The following VAV1 variants were observed in gnomAD, a reference collection of about 807,000 sequenced individuals.
The protein encoded by VAV1 is proto-oncogene vav.
Under a neutral mutation model 128.1 loss-of-function variants are expected in VAV1, and 33 were observed. That is an observed-to-expected ratio of 0.26 (90% CI 0.20 to 0.34). The LOEUF is 0.34. Ranked by LOEUF, VAV1 falls within the 10% of genes least tolerant of loss-of-function variation. The pLI is 1.00. For synonymous variants in VAV1, 394 were observed against 409.8 expected (o/e 0.96, Z 0.47); for missense variants, 715 against 1,093.7 (o/e 0.65, Z 4.88).
chr19:6,799,617 A>T (rs1401233076), intron 1 of VAV1, among the ~76,000 whole-genome samples: 1 of 152,022 alleles, frequency 6.6e-6, no homozygotes, highest in African/African-American at 2.4e-5. Context: ...CCAGCCCCCG[A>T]CAGGCCCCAG....
rs1277558907 is a variant in VAV1, at chr19:6,826,993, T to C, written c.927+282T>C. ...TCAACCCCAGCCCTGGGCTGAGCCCTAGCACTGATTGTACCCCAAGTCGGG... is the reference window on the plus strand; with the variant it reads ...TCAACCCCAGCCCTGGGCTGAGCCCCAGCACTGATTGTACCCCAAGTCGGG... On this transcript the variant is annotated intron_variant, in intron 9 of 26. Transcript: ENST00000602142. This position sits in a 1 kb window ranked among gnomAD's most constrained non-coding sequence, Gnocchi z 4.1. The C allele has an allele frequency of 2.3e-6, 1 of 426,206 alleles. No homozygotes were observed. The highest frequency in any genetic ancestry group is 2.0e-5 in the African/African-American group (1 of 50,680). 26.4% of individuals were successfully genotyped at this position (426,206 alleles called of 1,614,324 possible).
intron 1 of VAV1, among the ~76,000 whole-genome samples, chr19:6,783,923 T>C (rs914516768): frequency 1.3e-5 from 2 of 151,936 alleles, no homozygotes; most frequent in African/African-American, 4.8e-5. Flanking sequence ...AATGCCTCAC[T>C]GGCTCCAGAA....
rs546349041 is a variant in VAV1, at chr19:6,833,429, C to T, written c.1611-99C>T. The stretch of plus-strand genomic sequence containing the variant: ...TCTGCTTCTCCGTCACTCTCCTGAT[C>T]TAAAGAGAACCCAAGGGGTCCCTTT... On this transcript the variant is annotated intron_variant, in intron 16 of 26. Coordinates refer to ENST00000602142, the MANE Select transcript of VAV1 (RefSeq NM_005428.4). 8.1e-4 allele frequency: 1,129 copies of T among 1,400,238 alleles called. 7 individuals are homozygous for T. Among genetic ancestry groups the T allele is most frequent in the Non-Finnish European group, 3.9e-4 (401 of 1,025,376 alleles). 86.7% of individuals were successfully genotyped at this position (1,400,238 alleles called of 1,614,324 possible).
chr19:6,777,058 C>T lies in VAV1; in HGVS notation c.204+4047C>T, dbSNP rs1970657795. Among the ~76,000 whole-genome samples, 1 of 151,328 alleles carries T rather than the reference C, an allele frequency of 6.6e-6. No homozygotes were observed. Among genetic ancestry groups the T allele is most frequent in the South Asian group, 2.1e-4 (1 of 4,766 alleles). On this transcript the variant is annotated intron_variant, in intron 1 of 26. Transcript: ENST00000602142. The surrounding 1 kb of genome is among the most constrained non-coding windows in gnomAD (Gnocchi z 4.4). ...GTGTGAGCCATACGCCCGGCCCATC[C>T]ATTCATCTATCTATCATCCACCTGC... is the stretch of plus-strand genomic sequence containing the variant.
chr19:6,844,229 C>A (rs1431561766), intron 22 of VAV1, among the ~76,000 whole-genome samples: 1 of 151,768 alleles, frequency 6.6e-6, no homozygotes, highest in Non-Finnish European at 1.5e-5. Context: ...TAATAAAACA[C>A]AGCATGATGA....
intron 1 of VAV1, among the ~76,000 whole-genome samples, chr19:6,817,979 C>T (rs1971695624): frequency 6.6e-6 from 1 of 152,186 alleles, no homozygotes; most frequent in African/African-American, 2.4e-5. Flanking sequence ...AGCCACCACG[C>T]CCAGCCTTAA....
At chr19:6,832,606 T>TC (rs1568309686) in intron 15 of VAV1, among the ~76,000 whole-genome samples, 2 of 92,964 alleles carry the variant, frequency 2.2e-5, no homozygotes, top group East Asian at 7.2e-4. Flanking sequence ...CTCTTCCTCC[T>TC]ATTCCTCCTC....
At chr19:6,849,207 T>A (rs1360915174) in intron 23 of VAV1, among the ~76,000 whole-genome samples, 1 of 150,768 alleles carries the variant, frequency 6.6e-6, no homozygotes, top group Non-Finnish European at 1.5e-5. Flanking sequence ...CAGGGAGTGA[T>A]CATATACTCG....
intron 6 of VAV1, among the ~76,000 whole-genome samples, chr19:6,823,305 T>C (rs1223071964): frequency 6.6e-6 from 1 of 151,092 alleles, no homozygotes; most frequent in Non-Finnish European, 1.5e-5. Context: ...TTTGTATTTT[T>C]AGTAGAGACG....
chr19:6,819,710 T>C (rs987491284), intron 1 of VAV1, among the ~76,000 whole-genome samples: 1 of 152,028 alleles, frequency 6.6e-6, no homozygotes, highest in Non-Finnish European at 1.5e-5. Context: ...ATGGAGAGTG[T>C]TGGGGGTTGT....
chr19:6,806,586 C>T (rs890143039), intron 1 of VAV1, among the ~76,000 whole-genome samples: 3 of 152,162 alleles, frequency 2.0e-5, no homozygotes, highest in African/African-American at 7.2e-5. Context: ...GCAGTTGCTC[C>T]AGACCGCCTA....
At chr19:6,836,410 A>G (rs1455937228) in intron 19 of VAV1, 22 bp from the exon 20 acceptor site, 22 of 1,608,764 alleles carry the variant, frequency 1.4e-5, no homozygotes, top group Non-Finnish European at 1.7e-5. Flanking sequence ...ACCACCCTGT[A>G]CTCCTGTACC....
At chr19:6,792,259 G>A (rs1374765552) in intron 1 of VAV1, among the ~76,000 whole-genome samples, 1 of 152,032 alleles carries the variant, frequency 6.6e-6, no homozygotes, top group Non-Finnish European at 1.5e-5. Flanking sequence ...AAGTGATGGT[G>A]GCCTCGACTG....
chr19:6,821,194 G>A (rs1971773828), intron 2 of VAV1, among the ~76,000 whole-genome samples: 1 of 152,158 alleles, frequency 6.6e-6, no homozygotes, highest in Non-Finnish European at 1.5e-5. Context: ...GAGGTCAGGA[G>A]ATCGATTCCA....
rs1444209599 is a variant in VAV1, at chr19:6,852,970, G to A, written c.2223G>A (p.Leu741=). The change falls in exon 25 of 27, where the codon CTG becomes CTA. Residue 741 remains leucine (L), a synonymous_variant. Coordinates refer to ENST00000602142, the MANE Select transcript of VAV1 (RefSeq NM_005428.4). ...EKKAFRGLTE[L]VEFYQQNSLK... ...CCATGTGGTCCGCCTTCTAGGAGCT[G>A]GTGGAGTTTTACCAGCAGAACTCTC... is the stretch of plus-strand genomic sequence containing the variant. 6.2e-7 allele frequency: 1 copy of A among 1,608,910 alleles called. No individual in the cohort carries two copies. The highest frequency in any genetic ancestry group is 1.1e-5 in the South Asian group (1 of 90,938).
At chr19:6,854,202 A>C (rs1195826446) in intron 26 of VAV1, 104 bp downstream of exon 26, 4 of 1,446,516 alleles carry the variant, frequency 2.8e-6, no homozygotes, top group Non-Finnish European at 3.7e-6. Context: ...GCTCCCATGG[A>C]GATCTCTCAC....
intron 1 of VAV1, among the ~76,000 whole-genome samples, chr19:6,785,987 C>G (rs1467963647): frequency 6.6e-6 from 1 of 152,074 alleles, no homozygotes; most frequent in Admixed American, 6.6e-5. Context: ...AGATCTTCCA[C>G]TGTTTCTAGA....
intron 16 of VAV1, 81 bp from the exon 17 acceptor site, chr19:6,833,447 G>A (rs1972138772): frequency 7.0e-7 from 1 of 1,431,636 alleles, no homozygotes; most frequent in Admixed American, 2.2e-5. Context: ...AACCCAAGGG[G>A]TCCCTTTATG....
intron 15 of VAV1, among the ~76,000 whole-genome samples, chr19:6,832,785 C>T (rs1972115808): frequency 1.3e-5 from 2 of 151,618 alleles, no homozygotes; most frequent in African/African-American, 4.8e-5. Flanking sequence ...TCTCTTTCTC[C>T]TTTTTATGTG....
Sources: allele counts gnomAD v4.1 joint callset (sites outside exome capture counted in the v4.1 genomes callset), GRCh38; gene constraint gnomAD v4.1.1; non-coding constraint Gnocchi (gnomAD v3.1); transcripts MANE v1.5; gene names NCBI Gene and HGNC (gene_info 2026-07-23, HGNC 2026-07-21).